The following NRG3 variants were observed in gnomAD, a reference collection of about 807,000 sequenced individuals.
NRG3 encodes neuregulin 3.
Under a neutral mutation model 66.9 loss-of-function variants are expected in NRG3, and 31 were observed. The observed-to-expected ratio is 0.46, with a 90% CI of 0.35 to 0.63. NRG3 has a LOEUF of 0.63. Ranked by LOEUF, NRG3 falls within the 20% of genes least tolerant of loss-of-function variation. NRG3 has a pLI of 0.00. For missense variants in NRG3, 910 were observed against 878.9 expected, an observed-to-expected ratio of 1.04 and a Z score of -0.45; for synonymous variants, 393 against 359.4, an observed-to-expected ratio of 1.09 and a Z score of -1.06.
chr10:82,483,418 C>G (rs531290107), intron 2 of NRG3, among the ~76,000 whole-genome samples: 1 of 152,172 alleles, frequency 6.6e-6, no homozygotes, highest in South Asian at 2.1e-4. Context: ...CTCCGTGGAC[C>G]TTTGTAGAAC....
At chr10:82,172,954 C>T (rs2072745070) in intron 1 of NRG3, among the ~76,000 whole-genome samples, 1 of 151,994 alleles carries the variant, frequency 6.6e-6, no homozygotes. Flanking sequence ...GTATAAAAAT[C>T]AACAGGGAGT....
intron 1 of NRG3, among the ~76,000 whole-genome samples, chr10:81,892,745 G>A (rs1044496811): frequency 1.9e-4 from 29 of 152,240 alleles, no homozygotes; most frequent in African/African-American, 6.3e-4. Flanking sequence ...GTAAGAGCTA[G>A]TATTTACTAG....
chr10:81,963,125 CTTTTTTTTTTTTTT>C (rs777026850), intron 1 of NRG3, among the ~76,000 whole-genome samples: 840 of 70,130 alleles, frequency 0.012, 25 homozygotes, highest in African/African-American at 0.05. Flanking sequence ...CACGAGGGCT[CTTTTTTTTTTTTTT>C]TTTTTTTTTT....
At chr10:82,369,613 T>G (rs2084759082) in intron 2 of NRG3, among the ~76,000 whole-genome samples, 1 of 138,530 alleles carries the variant, frequency 7.2e-6, no homozygotes, top group Non-Finnish European at 1.5e-5. Flanking sequence ...CTCCCAAAAC[T>G]TTTCAGGCAT....
At chr10:82,569,546 A>G (rs1031208880) in intron 2 of NRG3, among the ~76,000 whole-genome samples, 4 of 151,754 alleles carry the variant, frequency 2.6e-5, no homozygotes, top group African/African-American at 7.2e-5. Flanking sequence ...TTAAGTCTAC[A>G]GTGGATTGAT....
At chr10:82,696,707 G>A (rs1565212353) in intron 2 of NRG3, among the ~76,000 whole-genome samples, 1 of 150,552 alleles carries the variant, frequency 6.6e-6, no homozygotes, top group African/African-American at 2.5e-5. Context: ...CCAAGTCCAA[G>A]AGTCAAGCAA....
At chr10:82,734,115 A>G (rs1192338427) in intron 2 of NRG3, among the ~76,000 whole-genome samples, 3 of 152,230 alleles carry the variant, frequency 2.0e-5, no homozygotes, top group Non-Finnish European at 4.4e-5. Context: ...ATTTCAACCA[A>G]TGATCACAGA....
intron 1 of NRG3, among the ~76,000 whole-genome samples, chr10:82,126,204 C>A (rs373790591): frequency 4.5e-4 from 69 of 152,018 alleles, no homozygotes; most frequent in African/African-American, 1.5e-3. Context: ...TGATCGATAC[C>A]TTAGATAATA....
At chr10:82,276,500 A>G (rs1173998651) in intron 1 of NRG3, among the ~76,000 whole-genome samples, 2 of 152,072 alleles carry the variant, frequency 1.3e-5, no homozygotes, top group Non-Finnish European at 2.9e-5. Flanking sequence ...AAGGAACTCA[A>G]CAGACCAGGT....
chr10:82,415,389 A>T (rs1380892633), intron 2 of NRG3, among the ~76,000 whole-genome samples: 2 of 152,298 alleles, frequency 1.3e-5, no homozygotes, highest in African/African-American at 4.8e-5. Flanking sequence ...GTAAGTGCTT[A>T]CCACAAAGGT....
At chr10:82,100,651 C>T (rs1356452578) in intron 1 of NRG3, among the ~76,000 whole-genome samples, 3 of 152,016 alleles carry the variant, frequency 2.0e-5, no homozygotes, top group African/African-American at 7.2e-5. Context: ...AACTTAGTCT[C>T]TTACTATGGT....
chr10:82,763,737 G>T (rs555635028), intron 3 of NRG3, among the ~76,000 whole-genome samples: 19 of 152,116 alleles, frequency 1.2e-4, no homozygotes, highest in Non-Finnish European at 2.1e-4. Flanking sequence ...TATCTGTCCA[G>T]TATGGTGGCC....
At chr10:82,458,846 T>C (rs2091387013) in intron 2 of NRG3, among the ~76,000 whole-genome samples, 1 of 152,190 alleles carries the variant, frequency 6.6e-6, no homozygotes, top group African/African-American at 2.4e-5. Flanking sequence ...TCACCTGAGG[T>C]AGCATTCCCC....
At chr10:82,068,764 C>T (rs2064637298) in intron 1 of NRG3, among the ~76,000 whole-genome samples, 1 of 152,064 alleles carries the variant, frequency 6.6e-6, no homozygotes, top group African/African-American at 2.4e-5. Flanking sequence ...ATTTAAGTGG[C>T]CAAGCCAGGT....
At chr10:82,695,587 G>A (rs1420818965) in intron 2 of NRG3, among the ~76,000 whole-genome samples, 1 of 151,882 alleles carries the variant, frequency 6.6e-6, no homozygotes, top group Non-Finnish European at 1.5e-5. Context: ...TGTAAGTTTT[G>A]ACAGTAATTA....
intron 1 of NRG3, among the ~76,000 whole-genome samples, chr10:82,185,768 C>T (rs2073764687): frequency 6.6e-6 from 1 of 152,104 alleles, no homozygotes. Context: ...TTCCACATTA[C>T]TTCAGAAATG....
At chr10:82,675,512 A>G (rs1442710260) in intron 2 of NRG3, among the ~76,000 whole-genome samples, 1 of 152,156 alleles carries the variant, frequency 6.6e-6, no homozygotes, top group African/African-American at 2.4e-5. Flanking sequence ...CACAGGGGTA[A>G]TCGGGGAAGT....
intron 1 of NRG3, among the ~76,000 whole-genome samples, chr10:82,147,432 G>T (rs1190170411): frequency 6.6e-6 from 1 of 152,136 alleles, no homozygotes; most frequent in Non-Finnish European, 1.5e-5. Flanking sequence ...CCTTAGTTCA[G>T]CATCTTTAAA....
chr10:82,568,148 C>T (rs950481350), intron 2 of NRG3, among the ~76,000 whole-genome samples: 2 of 151,790 alleles, frequency 1.3e-5, no homozygotes, highest in African/African-American at 4.8e-5. Flanking sequence ...TGGACAAATG[C>T]CATACCCTTC....
Sources: gnomAD v4.1 joint callset for allele counts (sites outside exome capture counted in the v4.1 genomes callset) on GRCh38, gnomAD v4.1.1 for gene constraint, MANE v1.5 for transcripts, NCBI Gene and HGNC (gene_info 2026-07-23, HGNC 2026-07-21) for gene names.